Variants in PKNOX1 observed in about 807,000 individuals in gnomAD.
The protein encoded by PKNOX1 is PBX/knotted 1 homeobox 1.
Under a neutral mutation model 51.9 loss-of-function variants are expected in PKNOX1, and 15 were observed. The ratio of observed to expected loss-of-function variants is 0.29; its 90% confidence interval spans 0.19 to 0.45. PKNOX1 has a LOEUF of 0.45. PKNOX1 is among the 20% of genes least tolerant of loss of function. PKNOX1 has a pLI of 1.00. For synonymous variants in PKNOX1, 219 were observed against 211.1 expected, an observed-to-expected ratio of 1.04 and a Z score of -0.32; for missense variants, 462 against 547.5, an observed-to-expected ratio of 0.84 and a Z score of 1.56.
chr21:42,990,074 G>A (rs2059078118), intron 1 of PKNOX1, among the ~76,000 whole-genome samples: 1 of 146,676 alleles, frequency 6.8e-6, no homozygotes, highest in Admixed American at 7.1e-5. Flanking sequence ...TCCAGCCTGG[G>A]CAACAGAGCC....
intron 5 of PKNOX1, among the ~76,000 whole-genome samples, chr21:43,015,061 G>C (rs1409483407): frequency 6.6e-6 from 1 of 152,218 alleles, no homozygotes; most frequent in African/African-American, 2.4e-5. Context: ...TGTAGTTTTT[G>C]ACACATAAGT....
Position 43,007,427 on chromosome 21 carries a change from G to A in PKNOX1, c.52-64G>A, listed in dbSNP as rs547397639. ...TCCCCACTCCAACTGCATTCCTGTT[G>A]GAGCATGGAATACCTCGTAGTAGTT... On this transcript the variant is annotated intron_variant, in intron 2 of 10. Transcript: ENST00000291547. 24 of 1,511,588 alleles carry A rather than the reference G, an allele frequency of 1.6e-5. 1 individual carries two copies. The South Asian group carries it at 2.7e-4, about 17-fold the overall frequency. The allele number at this position is 1,511,588 out of a possible 1,614,324, so 93.6% of individuals were successfully genotyped here.
intron 8 of PKNOX1, among the ~76,000 whole-genome samples, chr21:43,022,878 A>G (rs1244849895): frequency 6.6e-6 from 1 of 152,162 alleles, no homozygotes; most frequent in African/African-American, 2.4e-5. Flanking sequence ...GCATGTTGGT[A>G]TATTTACACA....
Position 43,028,736 on chromosome 21 carries a change from A to G in PKNOX1, c.961A>G (p.Met321Val), listed in dbSNP as rs1980089455. 1.2e-6 allele frequency: 2 copies of G among 1,614,174 alleles called. No individual in the cohort carries two copies. The highest frequency in any genetic ancestry group is 1.7e-6 in the Non-Finnish European group (2 of 1,180,032). ...TGCCAGAAGACGAATTCTTCAGCCA[A>G]TGTTGGATTCAAGTTGTTCAGAGAC... ...INARRRILQPMLDSSCSETPK... is the reference protein window; with the variant it reads ...INARRRILQPVLDSSCSETPK... The change falls in exon 10 of 11, where the codon ATG becomes GTG. Residue 321 changes from methionine (M) to valine (V), a missense_variant. By Grantham distance (21) the Met-to-Val change is conservative. Transcript: ENST00000291547.
chr21:42,984,083 C>CGTGTGTGTGT (rs61381629), intron 1 of PKNOX1, among the ~76,000 whole-genome samples: 1 of 149,716 alleles, frequency 6.7e-6, no homozygotes, highest in Non-Finnish European at 1.5e-5. Context: ...CGTGTGTGTG[C>CGTGTGTGTGT]GTGTGTGTGT....
chr21:43,022,555 C>T, intron 8 of PKNOX1, among the ~76,000 whole-genome samples: 1 of 152,094 alleles, frequency 6.6e-6, no homozygotes, highest in South Asian at 2.1e-4. Flanking sequence ...TGCTTGCCTG[C>T]CCTGGCCTCT....
At chr21:42,996,483 G>A (rs1252789686) in intron 1 of PKNOX1, among the ~76,000 whole-genome samples, 1 of 152,154 alleles carries the variant, frequency 6.6e-6, no homozygotes, top group Non-Finnish European at 1.5e-5. Context: ...TTCCAGATGT[G>A]TGTGTAAGTC....
intron 1 of PKNOX1, among the ~76,000 whole-genome samples, chr21:42,979,673 C>T (rs993638724): frequency 6.6e-6 from 1 of 151,966 alleles, no homozygotes; most frequent in Non-Finnish European, 1.5e-5. Flanking sequence ...ACCCAGGGGG[C>T]GGAGCTTGCA....
rs537761363 is a variant in PKNOX1 at position 42,976,060 on chromosome 21, AGAGT to A, written c.-57+1399_-57+1402del. 5.9e-5 allele frequency among the ~76,000 whole-genome samples: 9 copies of A among 152,324 alleles called. 1 individual carries two copies. The South Asian group carries it at 1.9e-3, about 32-fold the overall frequency. Reference sequence around the variant, plus strand: ...TTTCATCACTCTGCTTAATTTACTTAGAGTGATTTGTGAATCCTGTCCTTGTACA... The same window carrying A: ...TTTCATCACTCTGCTTAATTTACTTAGATTTGTGAATCCTGTCCTTGTACA... On this transcript the variant is annotated intron_variant, in intron 1 of 10. Transcript: ENST00000291547.
chr21:42,976,468 T>A (rs1028785147), intron 1 of PKNOX1, among the ~76,000 whole-genome samples: 1 of 152,168 alleles, frequency 6.6e-6, no homozygotes, highest in East Asian at 1.9e-4. Context: ...ATGAAAGACT[T>A]CTTTGTAGCA....
chr21:43,011,137 A>G (rs1387019807), intron 4 of PKNOX1, among the ~76,000 whole-genome samples: 1 of 143,080 alleles, frequency 7.0e-6, no homozygotes, highest in Non-Finnish European at 1.5e-5. Flanking sequence ...GTGTGATCTC[A>G]GCTCACTGCA....
chr21:43,018,625 C>T (rs1979619577), intron 7 of PKNOX1, among the ~76,000 whole-genome samples: 1 of 151,928 alleles, frequency 6.6e-6, no homozygotes, highest in South Asian at 2.1e-4. Flanking sequence ...CACGGCAGAA[C>T]TGCCAGGCAA....
At position 43,009,924 on chromosome 21, in the gene PKNOX1, G is replaced by T. The variant is rs918246557; in HGVS notation, c.180-129G>T. On this transcript the variant is annotated intron_variant, in intron 3 of 10. Transcript: ENST00000291547. ...AACCGTTGAATTGCATACTTTCAACGGGTGGACCGTGTGGCGTGTGCATTT... is the reference window on the plus strand; with the variant it reads ...AACCGTTGAATTGCATACTTTCAACTGGTGGACCGTGTGGCGTGTGCATTT... 6.0e-6 allele frequency: 3 copies of T among 496,632 alleles called. No homozygotes were observed. The East Asian group carries it at 9.5e-5, about 16-fold the overall frequency. The allele number at this position is 496,632 out of a possible 1,614,324, so 30.8% of individuals were successfully genotyped here.
At chr21:42,998,809 C>G (rs1418062134) in intron 1 of PKNOX1, among the ~76,000 whole-genome samples, 1 of 152,192 alleles carries the variant, frequency 6.6e-6, no homozygotes, top group African/African-American at 2.4e-5. Flanking sequence ...TGTGGCTTTG[C>G]GGGATACAGC....
rs1265311468 is a variant in PKNOX1 at position 43,021,488 on chromosome 21, G to C, written c.849+57G>C. On this transcript the variant is annotated intron_variant, in intron 8 of 10. Coordinates refer to ENST00000291547, the MANE Select transcript of PKNOX1 (RefSeq NM_004571.5). This position sits in a 1 kb window ranked among gnomAD's most constrained non-coding sequence, Gnocchi z 4.6. Reference sequence around the variant, plus strand: ...AGCCCTCTGCGACGCTTGCTCTCTGGCTTATGTGTCATGGAAAAGGGTTAC... The same window carrying C: ...AGCCCTCTGCGACGCTTGCTCTCTGCCTTATGTGTCATGGAAAAGGGTTAC... The C allele has an allele frequency of 6.6e-7, 1 of 1,515,340 alleles. No homozygotes were observed. The highest frequency in any genetic ancestry group is 8.9e-7 in the Non-Finnish European group (1 of 1,127,806). 93.9% of individuals were successfully genotyped at this position (1,515,340 alleles called of 1,614,324 possible).
intron 8 of PKNOX1, among the ~76,000 whole-genome samples, chr21:43,023,692 G>A (rs1016806700): frequency 3.3e-5 from 5 of 151,516 alleles, no homozygotes; most frequent in Admixed American, 2.0e-4. Context: ...TCGGCTCACT[G>A]CAACCTCCGC....
chr21:43,023,743 T>A (rs563302936), intron 8 of PKNOX1, among the ~76,000 whole-genome samples: 15 of 151,968 alleles, frequency 9.9e-5, no homozygotes, highest in African/African-American at 3.6e-4. Flanking sequence ...GCCTCCCGAA[T>A]AGCTGGGACT....
chr21:43,016,309 G>A (rs778469531), intron 5 of PKNOX1, among the ~76,000 whole-genome samples: 5 of 152,228 alleles, frequency 3.3e-5, no homozygotes, highest in Non-Finnish European at 7.3e-5. Flanking sequence ...AGAAACATTT[G>A]CATGGGGCTC....
rs1222652577 is a variant in PKNOX1, at chr21:43,030,920, A to G, written c.*819A>G. The G allele has an allele frequency of 6.6e-6, 1 of 152,232 alleles. No homozygotes were observed. Among genetic ancestry groups the G allele is most frequent in the Non-Finnish European group, 1.5e-5 (1 of 68,038 alleles). The allele number at this position is 152,232 out of a possible 1,614,324, so 9.4% of individuals were successfully genotyped here. A position where few individuals can be genotyped will look rare whatever the true frequency, so the allele number is the denominator to read the frequency against. On this transcript the variant is annotated 3_prime_UTR_variant, in exon 11 of 11. Transcript: ENST00000291547. The stretch of plus-strand genomic sequence containing the variant: ...CTACTATAAAAGAAACAGCTATTTA[A>G]TGAAATTTTGATATCTGCAAATTTT...
Sources: gnomAD v4.1 joint callset for allele counts (sites outside exome capture counted in the v4.1 genomes callset) on GRCh38, gnomAD v4.1.1 for gene constraint, Gnocchi (gnomAD v3.1) non-coding constraint, MANE v1.5 for transcripts, NCBI Gene and HGNC (gene_info 2026-07-23, HGNC 2026-07-21) for gene names.